The following RAB3D variants were observed in gnomAD, a reference collection of about 807,000 sequenced individuals.
RAB3D encodes the protein ras-related protein Rab-3D.
Under a neutral mutation model 19.3 loss-of-function variants are expected in RAB3D, and 17 were observed. The observed-to-expected ratio is 0.88, with a 90% CI of 0.60 to 1.32. RAB3D has a LOEUF of 1.32. Ranked by LOEUF, RAB3D falls within the 40% of genes most tolerant of loss-of-function variation. RAB3D has a pLI of 0.00. For missense variants in RAB3D, 223 were observed against 299.1 expected (o/e 0.75, Z 1.88); for synonymous variants, 103 against 119.9 (o/e 0.86, Z 0.92).
At chr19:11,337,034 C>A (rs1303336550) in intron 2 of RAB3D, 138 bp downstream of exon 2, 1 of 682,508 alleles carries the variant, frequency 1.5e-6, no homozygotes, top group Non-Finnish European at 2.5e-6. Context: ...ATGGAGGTTG[C>A]AGTGAGCCGA....
chr19:11,329,643 A>G (rs1215239767), intron 4 of RAB3D, among the ~76,000 whole-genome samples: 2 of 151,932 alleles, frequency 1.3e-5, no homozygotes, highest in African/African-American at 4.8e-5. Context: ...AGAAAAAAAA[A>G]TTGGGATCAA....
rs574333200 is a variant in RAB3D at position 11,337,307 on chromosome 19, G to A, written c.93C>T (p.Ser31=). The change falls in exon 2 of 5, where the codon AGC becomes AGT. Residue 31 remains serine (S), a synonymous_variant. Coordinates refer to ENST00000222120, the MANE Select transcript of RAB3D (RefSeq NM_004283.4). ...ACAGGAAGGAAGTCTTGCCCACACTGCTGTTGCCTATCAGTAGCAGTTTGA... is the reference window on the plus strand; with the variant it reads ...ACAGGAAGGAAGTCTTGCCCACACTACTGTTGCCTATCAGTAGCAGTTTGA... The part of the protein sequence containing the change: ...YMFKLLLIGN[S]SVGKTSFLFR... The A allele has an allele frequency of 1.2e-5, 20 of 1,614,138 alleles. No individual in the cohort carries two copies. The African/African-American group carries it at 2.0e-4, about 16-fold the overall frequency.
chr19:11,329,775 G>A (rs28451947), intron 4 of RAB3D, among the ~76,000 whole-genome samples: 5,176 of 151,878 alleles, frequency 0.034, 276 homozygotes, highest in African/African-American at 0.12. Context: ...TCCGCCTCCC[G>A]GGTTCAAATG....
chr19:11,329,114 T>A (rs772865035), intron 4 of RAB3D, among the ~76,000 whole-genome samples: 9 of 151,840 alleles, frequency 5.9e-5, no homozygotes, highest in Non-Finnish European at 1.2e-4. Flanking sequence ...GGGTGGGGCT[T>A]CACCATGTTG....
At chr19:11,332,617 G>A (rs965930850) in intron 4 of RAB3D, among the ~76,000 whole-genome samples, 2 of 152,104 alleles carry the variant, frequency 1.3e-5, no homozygotes, top group Non-Finnish European at 2.9e-5. Flanking sequence ...TGTGCTGAGA[G>A]TATTTGAACA....
intron 4 of RAB3D, chr19:11,326,811 T>C (rs1464870967): frequency 1.5e-6 from 1 of 689,420 alleles, no homozygotes; most frequent in Middle Eastern, 3.7e-4. Flanking sequence ...GGTCTCGCTA[T>C]GTTGCGCAGG....
intron 4 of RAB3D, chr19:11,326,978 C>A: frequency 2.1e-6 from 1 of 482,562 alleles, no homozygotes; most frequent in Admixed American, 4.0e-5. Flanking sequence ...CATGCAGCCC[C>A]ACCTGCCACA....
intron 4 of RAB3D, 54 bp downstream of exon 4, chr19:11,335,393 G>C: frequency 6.2e-7 from 1 of 1,605,258 alleles, no homozygotes; most frequent in Non-Finnish European, 8.5e-7. Context: ...AGAGGATGGG[G>C]ATGAGGGTTT....
Position 11,322,848 on chromosome 19 carries a change from GCCC to G in RAB3D, c.*2547_*2549del, listed in dbSNP as rs1449678389. 1.3e-5 allele frequency: 2 copies of G among 152,188 alleles called. No homozygotes were observed. Among genetic ancestry groups the G allele is most frequent in the African/African-American group, 4.8e-5 (2 of 41,450 alleles). The allele number at this position is 152,188 out of a possible 1,614,324, so 9.4% of individuals were successfully genotyped here. On this transcript the variant is annotated 3_prime_UTR_variant, in exon 5 of 5. Transcript: ENST00000222120. Reference sequence around the variant, plus strand: ...ACACAGGTGATTACAGGTTAGCTCTGCCCTATTCAAGACAATCTGATCCATTCC... The same window carrying G: ...ACACAGGTGATTACAGGTTAGCTCTGTATTCAAGACAATCTGATCCATTCC...
intron 1 of RAB3D, among the ~76,000 whole-genome samples, 176 bp downstream of exon 1, chr19:11,339,293 C>G (rs1966928084): frequency 6.6e-6 from 1 of 152,230 alleles, no homozygotes; most frequent in Non-Finnish European, 1.5e-5. Context: ...GGAGTTTCCC[C>G]CATCACCATA....
chr19:11,327,904 G>A (rs1416979208), intron 4 of RAB3D, among the ~76,000 whole-genome samples: 2 of 151,990 alleles, frequency 1.3e-5, no homozygotes, highest in East Asian at 3.9e-4. Flanking sequence ...ATTTACTGGA[G>A]AAACTAGAAA....
At chr19:11,335,844 T>G (rs3816864) in intron 2 of RAB3D, 61 bp from the exon 3 acceptor site, 627,943 of 1,484,988 alleles carry the variant, frequency 0.42, 137,932 homozygotes, top group Non-Finnish European at 0.46. Context: ...ACCCCTGTCT[T>G]AGAGGGGCAC....
In RAB3D at chr19:11,323,917, G is replaced by GA. The variant is rs1189835940; in HGVS notation, c.*1480dup. 6.6e-6 allele frequency: 1 copy of GA among 152,220 alleles called. No individual in the cohort carries two copies. The highest frequency in any genetic ancestry group is 1.5e-5 in the Non-Finnish European group (1 of 68,096). The allele number at this position is 152,220 out of a possible 1,614,324, so 9.4% of individuals were successfully genotyped here. A position where few individuals can be genotyped will look rare whatever the true frequency, so the allele number is the denominator to read the frequency against. ...AAAGGTGCTGCGCCCCTAGAGTTTG[G>GA]AATCTGATGGGCAGAAAGTGCCTCT... On this transcript the variant is annotated 3_prime_UTR_variant, in exon 5 of 5. Coordinates refer to ENST00000222120, the MANE Select transcript of RAB3D (RefSeq NM_004283.4).
Position 11,337,454 on chromosome 19 carries a change from G to A in RAB3D, c.-55C>T, listed in dbSNP as rs1181210723. 2.4e-5 allele frequency: 34 copies of A among 1,438,568 alleles called. No individual in the cohort carries two copies. Among genetic ancestry groups the A allele is most frequent in the Admixed American group, 6.7e-5 (4 of 59,394 alleles). The allele number at this position is 1,438,568 out of a possible 1,614,324, so 89.1% of individuals were successfully genotyped here. On this transcript the variant is annotated 5_prime_UTR_variant, in exon 2 of 5. Coordinates refer to ENST00000222120, the MANE Select transcript of RAB3D (RefSeq NM_004283.4). ...CCTGAAATCCTCAGGGAGAGGAGAC[G>A]GGCGTCCTGCAGGGGAATCAAACAT...
At chr19:11,338,732 C>T (rs1966921215) in intron 1 of RAB3D, among the ~76,000 whole-genome samples, 1 of 152,166 alleles carries the variant, frequency 6.6e-6, no homozygotes, top group Non-Finnish European at 1.5e-5. Flanking sequence ...TTAATTAACA[C>T]AACCCCACCA....
rs1431565111 is a variant in RAB3D, at chr19:11,335,573, T to C, written c.348-2A>G. The C allele has an allele frequency of 1.2e-6, 2 of 1,613,996 alleles. No homozygotes were observed. The highest frequency in any genetic ancestry group is 1.7e-6 in the Non-Finnish European group (2 of 1,179,950). The stretch of plus-strand genomic sequence containing the variant: ...GAGTAGGTCTTGATTTGCGTGGCCC[T>C]GCAGAGTTACCAGTGGTGAGCCATG... On this transcript the variant is annotated splice_acceptor_variant, in intron 3 of 4. Transcript: ENST00000222120. LOFTEE classifies it high-confidence loss of function.
At position 11,324,259 on chromosome 19, in the gene RAB3D, GAA is replaced by G; in HGVS notation, c.*1137_*1138del. On this transcript the variant is annotated 3_prime_UTR_variant, in exon 5 of 5. Transcript: ENST00000222120. ...TGACAGAGCCAGACCATCTCAAAAAGAAAAAAAAAAAAAAAGAAGTGACTCCT... is the reference window on the plus strand; with the variant it reads ...TGACAGAGCCAGACCATCTCAAAAAGAAAAAAAAAAAAAGAAGTGACTCCT... The G allele has an allele frequency of 1.1e-4, 11 of 102,542 alleles. No individual in the cohort carries two copies. The highest frequency in any genetic ancestry group is 6.6e-4 in the South Asian group (2 of 3,044). The allele number at this position is 102,542 out of a possible 1,614,324, so 6.4% of individuals were successfully genotyped here.
chr19:11,325,757 A>G (rs1179669626), intron 4 of RAB3D, among the ~76,000 whole-genome samples, 172 bp from the exon 5 acceptor site: 2 of 152,038 alleles, frequency 1.3e-5, no homozygotes, highest in African/African-American at 4.8e-5. Flanking sequence ...GTAAAATGGG[A>G]ATGATGATCC....
intron 4 of RAB3D, among the ~76,000 whole-genome samples, chr19:11,333,974 G>T (rs2147969618): frequency 6.6e-6 from 1 of 152,104 alleles, no homozygotes; most frequent in Non-Finnish European, 1.5e-5. Flanking sequence ...GGGATTTCAG[G>T]CATGAGCCAC....
Sources: gnomAD v4.1 joint callset for allele counts (sites outside exome capture counted in the v4.1 genomes callset) on GRCh38, gnomAD v4.1.1 for gene constraint, MANE v1.5 for transcripts, NCBI Gene and HGNC (gene_info 2026-07-23, HGNC 2026-07-21) for gene names.